ANXA6: variants seen among roughly 807,000 people sequenced by gnomAD.
ANXA6 encodes the protein annexin A6.
Under a neutral mutation model 95.4 loss-of-function variants are expected in ANXA6, and 71 were observed. That is an observed-to-expected ratio of 0.74 (90% confidence interval 0.61 to 0.91). The LOEUF is 0.91. Among genes scored for constraint, ANXA6 ranks in the 40% least tolerant of loss-of-function variants. The probability of loss-of-function intolerance (pLI) is 0.00; values close to 1 mark genes in which losing one functional copy is unlikely to be tolerated. For missense variants in ANXA6, 830 were observed against 876.4 expected (o/e 0.95, Z 0.67); for synonymous variants, 289 against 315.9 (o/e 0.91, Z 0.90).
rs1764827308 is a variant in ANXA6 at position 151,110,776 on chromosome 5, C to G, written c.1573-132G>C. On this transcript the variant is annotated intron_variant, in intron 20 of 25. Transcript: ENST00000354546. ...GGGAGTGGGAGAGGTCCCAAGAGACCTGAGAGAACCCGGGATGCGAAAGGA... is the reference window on the plus strand; with the variant it reads ...GGGAGTGGGAGAGGTCCCAAGAGACGTGAGAGAACCCGGGATGCGAAAGGA... The G allele has an allele frequency of 4.5e-6, 4 of 894,448 alleles. No homozygotes were observed. The Admixed American group carries it at 7.1e-5, about 16-fold the overall frequency. 55.4% of individuals were successfully genotyped at this position (894,448 alleles called of 1,614,324 possible).
chr5:151,108,566 G>A lies in ANXA6; in HGVS notation c.1685-16C>T. On this transcript the variant is annotated splice_polypyrimidine_tract_variant and intron_variant, in intron 22 of 25. Coordinates refer to ENST00000354546, the MANE Select transcript of ANXA6 (RefSeq NM_001155.5). ...TCCTGGAAGACTGGCCACAAGAGAAGCCCCAGAGGTGGGGGTGAGCTTCAG... is the reference window on the plus strand; with the variant it reads ...TCCTGGAAGACTGGCCACAAGAGAAACCCCAGAGGTGGGGGTGAGCTTCAG... 6.2e-7 allele frequency: 1 copy of A among 1,611,692 alleles called. No individual in the cohort carries two copies. The highest frequency in any genetic ancestry group is 8.5e-7 in the Non-Finnish European group (1 of 1,177,778).
chr5:151,117,002 C>A (rs1357183280), intron 20 of ANXA6, 125 bp downstream of exon 20: 16 of 817,028 alleles, frequency 2.0e-5, no homozygotes, highest in Non-Finnish European at 2.9e-5. Context: ...ATCAACCAAT[C>A]AAACCAACCA....
At chr5:151,126,866 G>A (rs553140867) in intron 13 of ANXA6, among the ~76,000 whole-genome samples, 5 of 152,212 alleles carry the variant, frequency 3.3e-5, no homozygotes, top group Non-Finnish European at 5.9e-5. Context: ...ACAGGCACCC[G>A]CCATCACGCC....
intron 2 of ANXA6, among the ~76,000 whole-genome samples, chr5:151,144,311 T>C (rs927738781): frequency 3.9e-5 from 6 of 152,242 alleles, no homozygotes; most frequent in Non-Finnish European, 7.3e-5. Flanking sequence ...AACAGTCAAA[T>C]AGCAGCAGAT....
chr5:151,115,088 G>A (rs559121813), intron 20 of ANXA6, among the ~76,000 whole-genome samples: 1 of 152,176 alleles, frequency 6.6e-6, no homozygotes, highest in South Asian at 2.1e-4. Context: ...TAAATAACAT[G>A]GTAGATTCAG....
At chr5:151,136,202 G>C in intron 7 of ANXA6, 54 bp downstream of exon 7, 1 of 1,569,852 alleles carries the variant, frequency 6.4e-7, no homozygotes, top group Non-Finnish European at 8.8e-7. Flanking sequence ...ACCCAGATGA[G>C]CCAGACAAAA....
chr5:151,122,058 A>T, intron 17 of ANXA6, 89 bp downstream of exon 17: 1 of 743,120 alleles, frequency 1.3e-6, no homozygotes, highest in South Asian at 2.2e-5. Flanking sequence ...TCTACCAAGA[A>T]GTTACAGCTA....
intron 22 of ANXA6, among the ~76,000 whole-genome samples, chr5:151,109,020 T>G (rs1017501132): frequency 4.6e-5 from 7 of 152,184 alleles, no homozygotes; most frequent in African/African-American, 1.7e-4. Flanking sequence ...TGTGTTATGT[T>G]TTTTGTATCT....
intron 2 of ANXA6, among the ~76,000 whole-genome samples, chr5:151,143,907 G>A (rs1351287687): frequency 1.3e-5 from 2 of 152,132 alleles, no homozygotes; most frequent in African/African-American, 4.8e-5. Context: ...GGAGGGGAAG[G>A]CGAAGAGGAA....
intron 20 of ANXA6, among the ~76,000 whole-genome samples, chr5:151,115,222 A>G (rs2113905538): frequency 6.6e-6 from 1 of 152,356 alleles, no homozygotes; most frequent in African/African-American, 2.4e-5. Context: ...TAGAGAAGCA[A>G]CTAGAATAAT....
intron 24 of ANXA6, among the ~76,000 whole-genome samples, chr5:151,104,972 A>C (rs1190725267): frequency 6.6e-6 from 1 of 152,194 alleles, no homozygotes; most frequent in African/African-American, 2.4e-5. Context: ...TTCTGTCCCC[A>C]CCAGATGCTG....
intron 20 of ANXA6, among the ~76,000 whole-genome samples, 165 bp from the exon 21 acceptor site, chr5:151,110,809 T>TA (rs1437121393): frequency 2.0e-5 from 3 of 151,398 alleles, no homozygotes; most frequent in Admixed American, 2.0e-4. Context: ...GGAAGGGGGG[T>TA]AGGGACAAGA....
chr5:151,146,767 C>T (rs577039426), intron 2 of ANXA6, among the ~76,000 whole-genome samples: 30 of 152,256 alleles, frequency 2.0e-4, no homozygotes, highest in Non-Finnish European at 1.2e-4. Flanking sequence ...AGACAGCACC[C>T]TCAGGCAAAC....
chr5:151,146,425 C>T (rs903442221), intron 2 of ANXA6, among the ~76,000 whole-genome samples: 5 of 152,326 alleles, frequency 3.3e-5, no homozygotes, highest in African/African-American at 1.2e-4. Flanking sequence ...AAGGCCACAG[C>T]TAGGACTTCT....
At chr5:151,154,333 T>TATATATA (rs1561588333) in intron 1 of ANXA6, among the ~76,000 whole-genome samples, 1 of 132,782 alleles carries the variant, frequency 7.5e-6, no homozygotes, top group Admixed American at 7.6e-5. Flanking sequence ...ATATATATAT[T>TATATATA]GATCCCATAC....
chr5:151,142,189 A>G (rs1302037913), intron 2 of ANXA6, among the ~76,000 whole-genome samples: 1 of 152,262 alleles, frequency 6.6e-6, no homozygotes, highest in Non-Finnish European at 1.5e-5. Context: ...GGATGGAGAA[A>G]CAAGAGGTGC....
intron 20 of ANXA6, among the ~76,000 whole-genome samples, chr5:151,112,740 C>T (rs1001514688): frequency 2.2e-4 from 33 of 152,148 alleles, no homozygotes; most frequent in Admixed American, 9.8e-4. Context: ...GGGAGGATTG[C>T]TTGGGCCTAG....
intron 1 of ANXA6, among the ~76,000 whole-genome samples, chr5:151,157,426 C>A (rs946417567): frequency 3.3e-5 from 5 of 152,150 alleles, no homozygotes; most frequent in African/African-American, 1.2e-4. Flanking sequence ...CCCTCTGCAG[C>A]AACGGGACTC....
chr5:151,117,732 G>T, intron 19 of ANXA6, 26 bp downstream of exon 19: 1 of 1,605,638 alleles, frequency 6.2e-7, no homozygotes, highest in South Asian at 1.1e-5. Context: ...TGGGCAAGCC[G>T]ACCTGGGGCC....
Sources: gnomAD v4.1 joint callset for allele counts (sites outside exome capture counted in the v4.1 genomes callset) on GRCh38, gnomAD v4.1.1 for gene constraint, MANE v1.5 for transcripts, NCBI Gene and HGNC (gene_info 2026-07-23, HGNC 2026-07-21) for gene names.